Variants in RBFOX1 observed in about 807,000 individuals in gnomAD.
RBFOX1 encodes RNA binding protein fox-1 homolog 1.
RBFOX1 carries 8 observed loss-of-function variants against 57.7 expected under a neutral mutation model. The observed-to-expected ratio is 0.14, with a 90% CI of 0.08 to 0.25. RBFOX1 has a LOEUF of 0.25. Ranked by LOEUF, RBFOX1 falls within the 10% of genes least tolerant of loss-of-function variation. The probability of loss-of-function intolerance (pLI) is 1.00; values close to 1 mark genes in which losing one functional copy is unlikely to be tolerated. For missense variants in RBFOX1, 611 were observed against 548.5 expected, an observed-to-expected ratio of 1.11 and a Z score of -1.14; for synonymous variants, 326 against 222.4, an observed-to-expected ratio of 1.47 and a Z score of -4.15.
chr16:7,315,880 G>T (rs369889790), intron 4 of RBFOX1, among the ~76,000 whole-genome samples: 1 of 152,032 alleles, frequency 6.6e-6, no homozygotes, highest in East Asian at 1.9e-4. Context: ...TTGTTTACTT[G>T]GTTTACATAT....
At chr16:5,532,485 A>T (rs1231077244) in intron 2 of RBFOX1, among the ~76,000 whole-genome samples, 1 of 152,178 alleles carries the variant, frequency 6.6e-6, no homozygotes, top group Non-Finnish European at 1.5e-5. Flanking sequence ...GGTGAGTCAG[A>T]TGCGTATTAA....
chr16:7,556,603 A>G (rs1039025363), intron 5 of RBFOX1, among the ~76,000 whole-genome samples: 1 of 152,070 alleles, frequency 6.6e-6, no homozygotes, highest in African/African-American at 2.4e-5. Flanking sequence ...AGTTTCATTC[A>G]CCTAAGAAAG....
intron 4 of RBFOX1, among the ~76,000 whole-genome samples, chr16:5,988,543 C>T (rs1240484613): frequency 6.6e-6 from 1 of 152,168 alleles, no homozygotes; most frequent in Non-Finnish European, 1.5e-5. Context: ...TCAGAACCAT[C>T]TGCTGTTACC....
At position 6,915,269 on chromosome 16, in the gene RBFOX1, A is replaced by C. The variant is rs138995051; in HGVS notation, c.-15-136788A>C. On this transcript the variant is annotated intron_variant, in intron 3 of 15. Transcript: ENST00000550418. Reference sequence around the variant, plus strand: ...CTCAGCATTTCTACTAATTCCCTCCAAGAAGGGCCTGGGATTGTTTCCATT... The same window carrying C: ...CTCAGCATTTCTACTAATTCCCTCCCAGAAGGGCCTGGGATTGTTTCCATT... Among the ~76,000 whole-genome samples, 781 of 152,092 alleles carry C rather than the reference A, an allele frequency of 5.1e-3. 8 individuals carry two copies. Among genetic ancestry groups the C allele is most frequent in the Middle Eastern group, 0.027 (8 of 294 alleles).
chr16:5,772,953 A>G (rs758106740), intron 3 of RBFOX1, among the ~76,000 whole-genome samples: 1 of 152,168 alleles, frequency 6.6e-6, no homozygotes, highest in Non-Finnish European at 1.5e-5. Context: ...TGACTGTGCA[A>G]AGGTCCTGGG....
At chr16:6,112,878 G>C (rs1597413149) in intron 1 of RBFOX1, among the ~76,000 whole-genome samples, 1 of 152,100 alleles carries the variant, frequency 6.6e-6, no homozygotes, top group African/African-American at 2.4e-5. Flanking sequence ...GAGTTGGAAA[G>C]TGTTGGAAAG....
intron 8 of RBFOX1, 135 bp from the exon 9 acceptor site, chr16:7,597,236 C>T (rs551391844): frequency 1.0e-4 from 57 of 572,232 alleles, no homozygotes; most frequent in African/African-American, 9.4e-4. Flanking sequence ...GCACCTACTG[C>T]CTTTTATAAA....
At chr16:6,784,738 C>A (rs901385599) in intron 3 of RBFOX1, among the ~76,000 whole-genome samples, 1 of 151,368 alleles carries the variant, frequency 6.6e-6, no homozygotes, top group Non-Finnish European at 1.5e-5. Context: ...GATAGTTGTT[C>A]AATTTGGTGT....
intron 3 of RBFOX1, among the ~76,000 whole-genome samples, chr16:6,917,783 G>T (rs950421659): frequency 1.3e-5 from 2 of 152,152 alleles, no homozygotes; most frequent in Non-Finnish European, 2.9e-5. Flanking sequence ...CTCCTCTGTG[G>T]ATCTCAGTAG....
intron 2 of RBFOX1, among the ~76,000 whole-genome samples, chr16:5,564,574 T>A (rs1159158469): frequency 6.6e-6 from 1 of 152,190 alleles, no homozygotes; most frequent in African/African-American, 2.4e-5. Context: ...TTGCTGGGAA[T>A]GGAATGGCTT....
rs1315500636 is a variant in RBFOX1 at position 6,487,685 on chromosome 16, AAAAAAAAAAAAAAAAATATATATATATAT to A, written c.-63-166916_-63-166888del. Reference sequence around the variant, plus strand: ...GCAGTGATATATGTAAAAAAAAAAAAAAAAAAAAAAAAAAAATATATATATATATATATATATATATATATATATATATA... The same window carrying A: ...GCAGTGATATATGTAAAAAAAAAAAAATATATATATATATATATATATATA... On this transcript the variant is annotated intron_variant, in intron 2 of 15. Coordinates refer to ENST00000550418, the MANE Select transcript of RBFOX1 (RefSeq NM_018723.4). Among the ~76,000 whole-genome samples the A allele has an allele frequency of 6.3e-4, 29 of 46,084 alleles. 2 individuals carry two copies. The highest frequency in any genetic ancestry group is 2.1e-3 in the African/African-American group (16 of 7,732). The allele number at this position is 46,084 out of a possible 152,430, so 30.2% of individuals were successfully genotyped here.
At chr16:7,096,012 C>CCAAA (rs2061631350) in intron 4 of RBFOX1, among the ~76,000 whole-genome samples, 1 of 111,478 alleles carries the variant, frequency 9.0e-6, no homozygotes. Context: ...GACTCTGTCT[C>CCAAA]AAAAAAAAAA....
At chr16:5,283,957 C>T (rs771698002) in intron 1 of RBFOX1, among the ~76,000 whole-genome samples, 7 of 152,114 alleles carry the variant, frequency 4.6e-5, no homozygotes, top group Non-Finnish European at 1.0e-4. Context: ...GCTGTGTCCC[C>T]ACCCAAATCT....
intron 1 of RBFOX1, among the ~76,000 whole-genome samples, chr16:5,392,843 C>A (rs147358412): frequency 6.6e-5 from 10 of 152,314 alleles, no homozygotes; most frequent in African/African-American, 2.4e-4. Context: ...ACCACACAGA[C>A]TCCTGTCTCC....
intron 3 of RBFOX1, among the ~76,000 whole-genome samples, chr16:5,694,529 G>C (rs1031981217): frequency 6.6e-6 from 1 of 152,112 alleles, no homozygotes; most frequent in Non-Finnish European, 1.5e-5. Flanking sequence ...GTTTTACCAA[G>C]AGCTTAATGG....
chr16:5,811,324 GGGTTTCCCT>G (rs1318789735), intron 3 of RBFOX1, among the ~76,000 whole-genome samples: 1 of 151,722 alleles, frequency 6.6e-6, no homozygotes, highest in Non-Finnish European at 1.5e-5. Flanking sequence ...AGTAGAGACG[GGGTTTCCCT>G]GGTTTCCCTA....
intron 4 of RBFOX1, among the ~76,000 whole-genome samples, chr16:7,083,355 A>C (rs999054015): frequency 4.6e-5 from 7 of 152,040 alleles, no homozygotes; most frequent in African/African-American, 1.7e-4. Context: ...CAGAGGGACC[A>C]CATGTTCAAG....
rs184153937 is a variant in RBFOX1 at position 6,410,847 on chromosome 16, G to T, written c.-64+93790G>T. 1.6e-3 allele frequency among the ~76,000 whole-genome samples: 249 copies of T among 152,280 alleles called. 1 individual carries two copies. Among genetic ancestry groups the T allele is most frequent in the Non-Finnish European group, 3.0e-3 (205 of 68,032 alleles). On this transcript the variant is annotated intron_variant, in intron 2 of 15. Transcript: ENST00000550418. ...GTAGGCACTGTGGTCTGCACCATTC[G>T]GCATAAGTCACTTAGCCCCTCTGAG...
intron 2 of RBFOX1, among the ~76,000 whole-genome samples, chr16:6,611,345 C>T (rs1468199080): frequency 1.3e-5 from 2 of 152,114 alleles, no homozygotes; most frequent in Non-Finnish European, 2.9e-5. Context: ...CAGGGTTTTG[C>T]CATGTTGGCC....
Sources: gnomAD v4.1 joint callset for allele counts (sites outside exome capture counted in the v4.1 genomes callset) on GRCh38, gnomAD v4.1.1 for gene constraint, MANE v1.5 for transcripts, NCBI Gene and HGNC (gene_info 2026-07-23, HGNC 2026-07-21) for gene names.